The following RABGAP1L variants were observed in gnomAD, a reference collection of about 807,000 sequenced individuals.
RABGAP1L encodes RAB GTPase activating protein 1 like, also known as rab GTPase-activating protein 1-like.
Under a neutral mutation model 137.7 loss-of-function variants are expected in RABGAP1L, and 63 were observed. That is an observed-to-expected ratio of 0.46 (90% CI 0.37 to 0.56). The LOEUF is 0.56. RABGAP1L is among the 20% of genes least tolerant of loss of function. The probability of loss-of-function intolerance (pLI) is 0.00; values close to 1 mark genes in which losing one functional copy is unlikely to be tolerated. For synonymous variants in RABGAP1L, 431 were observed against 433.7 expected (o/e 0.99, Z 0.08); for missense variants, 1,095 against 1,244.0 (o/e 0.88, Z 1.80).
intron 13 of RABGAP1L, among the ~76,000 whole-genome samples, chr1:174,399,409 G>T (rs779028566): frequency 6.6e-6 from 1 of 152,078 alleles, no homozygotes; most frequent in Non-Finnish European, 1.5e-5. Context: ...GCAGCTGTTC[G>T]TCCTTTCTTT....
chr1:174,537,517 T>A (rs998892729), intron 13 of RABGAP1L, among the ~76,000 whole-genome samples: 2 of 152,192 alleles, frequency 1.3e-5, no homozygotes, highest in Non-Finnish European at 2.9e-5. Flanking sequence ...GGTCTGTATT[T>A]TCCCATCCTC....
intron 13 of RABGAP1L, among the ~76,000 whole-genome samples, chr1:174,417,178 CT>C (rs1307420721): frequency 1.3e-5 from 2 of 152,110 alleles, no homozygotes; most frequent in Non-Finnish European, 2.9e-5. Flanking sequence ...TTCTTATATC[CT>C]TCCCACCCTT....
chr1:174,586,910 A>T (rs1050824934), intron 13 of RABGAP1L, among the ~76,000 whole-genome samples: 1 of 152,094 alleles, frequency 6.6e-6, no homozygotes, highest in East Asian at 1.9e-4. Flanking sequence ...GATCTGTTTT[A>T]AAAAGTACAA....
chr1:174,570,069 A>G (rs747053017), intron 13 of RABGAP1L, among the ~76,000 whole-genome samples: 4 of 152,202 alleles, frequency 2.6e-5, no homozygotes, highest in Non-Finnish European at 4.4e-5. Flanking sequence ...TAGATGCTGC[A>G]TGTTATTCTA....
chr1:174,407,456 A>G (rs1433931790), intron 13 of RABGAP1L, among the ~76,000 whole-genome samples: 1 of 150,376 alleles, frequency 6.6e-6, no homozygotes, highest in African/African-American at 2.4e-5. Context: ...ATAACCTTTT[A>G]CTCCCCCCAG....
At chr1:174,620,887 G>A (rs1276341807) in intron 13 of RABGAP1L, among the ~76,000 whole-genome samples, 1 of 151,966 alleles carries the variant, frequency 6.6e-6, no homozygotes, top group Non-Finnish European at 1.5e-5. Flanking sequence ...TAGACCACTA[G>A]CAAGACTAAT....
At chr1:174,969,139 T>C in intron 20 of RABGAP1L, 138 bp from the exon 21 acceptor site, 4 of 648,908 alleles carry the variant, frequency 6.2e-6, no homozygotes, top group Non-Finnish European at 1.1e-5. Context: ...ACAGCAATCC[T>C]GCCTTCCTGT....
chr1:174,371,833 A>G (rs1418815987), intron 12 of RABGAP1L, among the ~76,000 whole-genome samples: 2 of 152,152 alleles, frequency 1.3e-5, no homozygotes, highest in Non-Finnish European at 2.9e-5. Flanking sequence ...GAATAATTTA[A>G]ACCTCTTTTA....
chr1:174,713,956 C>T (rs1032073072), intron 17 of RABGAP1L, among the ~76,000 whole-genome samples: 1 of 152,106 alleles, frequency 6.6e-6, no homozygotes. Context: ...AACACATAAC[C>T]GATTACACTC....
intron 16 of RABGAP1L, among the ~76,000 whole-genome samples, chr1:174,701,599 C>T (rs1474224886): frequency 6.6e-6 from 1 of 151,888 alleles, no homozygotes; most frequent in East Asian, 1.9e-4. Flanking sequence ...AAAAAATAAT[C>T]GGGCCTGGTG....
At chr1:174,655,545 T>A (rs185605958) in intron 14 of RABGAP1L, among the ~76,000 whole-genome samples, 7 of 152,190 alleles carry the variant, frequency 4.6e-5, no homozygotes, top group African/African-American at 9.6e-5. Flanking sequence ...TGGTGATGAT[T>A]AGTGTGATCA....
At chr1:174,655,819 A>T (rs1489001709) in intron 14 of RABGAP1L, among the ~76,000 whole-genome samples, 1 of 152,162 alleles carries the variant, frequency 6.6e-6, no homozygotes. Context: ...GGAAGACTTC[A>T]AGCTGGTTTC....
At chr1:174,391,324 A>G (rs1349299705) in intron 12 of RABGAP1L, among the ~76,000 whole-genome samples, 2 of 152,058 alleles carry the variant, frequency 1.3e-5, no homozygotes, top group Non-Finnish European at 2.9e-5. Flanking sequence ...ATTTTTTTCA[A>G]TGTTCTTAAT....
At chr1:174,475,710 G>A (rs944659484) in intron 13 of RABGAP1L, among the ~76,000 whole-genome samples, 1 of 145,494 alleles carries the variant, frequency 6.9e-6, no homozygotes. Context: ...GTTCAAGGCT[G>A]CAGTGAGTTA....
chr1:174,913,834 C>G (rs979028136), intron 19 of RABGAP1L, among the ~76,000 whole-genome samples: 1 of 152,088 alleles, frequency 6.6e-6, no homozygotes, highest in African/African-American at 2.4e-5. Flanking sequence ...AAATGACTGG[C>G]CACTCATTGT....
intron 19 of RABGAP1L, among the ~76,000 whole-genome samples, chr1:174,914,722 A>G (rs958307472): frequency 3.3e-5 from 5 of 152,116 alleles, no homozygotes; most frequent in African/African-American, 9.7e-5. Context: ...TGTTTGTGCA[A>G]TTTAGCAGAG....
intron 7 of RABGAP1L, among the ~76,000 whole-genome samples, chr1:174,270,586 A>G (rs936355473): frequency 1.2e-4 from 18 of 152,014 alleles, no homozygotes; most frequent in African/African-American, 4.4e-4. Flanking sequence ...TGTAATCCTT[A>G]TGCCTATAAA....
intron 9 of RABGAP1L, among the ~76,000 whole-genome samples, chr1:174,277,117 CTTTCA>C (rs1675066567): frequency 6.6e-6 from 1 of 151,950 alleles, no homozygotes; most frequent in African/African-American, 2.4e-5. Context: ...GATAATTATT[CTTTCA>C]TTTCCTTAAA....
At chr1:174,615,747 G>T (rs987787116) in intron 13 of RABGAP1L, among the ~76,000 whole-genome samples, 5 of 152,094 alleles carry the variant, frequency 3.3e-5, no homozygotes, top group East Asian at 1.9e-4. Flanking sequence ...CGAGCTTCCC[G>T]GCTGCTTTGT....
Sources: gnomAD v4.1 joint callset for allele counts (sites outside exome capture counted in the v4.1 genomes callset) on GRCh38, gnomAD v4.1.1 for gene constraint, MANE v1.5 for transcripts, NCBI Gene and HGNC (gene_info 2026-07-23, HGNC 2026-07-21) for gene names.